The following MPPE1 variants were observed in gnomAD, a reference collection of about 807,000 sequenced individuals.
MPPE1 encodes the protein metallo phosphoesterase.
In MPPE1, 28 loss-of-function variants were observed where a neutral mutation model predicts 43.8. The ratio of observed to expected loss-of-function variants is 0.64; its 90% CI spans 0.47 to 0.88. MPPE1 has a LOEUF of 0.88. Ranked by LOEUF, MPPE1 falls within the 40% of genes least tolerant of loss-of-function variation. The pLI is 0.00. For synonymous variants in MPPE1, 159 were observed against 188.5 expected, an observed-to-expected ratio of 0.84 and a Z score of 1.28; for missense variants, 428 against 492.2, an observed-to-expected ratio of 0.87 and a Z score of 1.23.
In MPPE1 at chr18:11,886,760, A is replaced by T; in HGVS notation, c.697T>A (p.Cys233Ser). The T allele has an allele frequency of 5.0e-6, 8 of 1,613,122 alleles. No individual in the cohort carries two copies. Among genetic ancestry groups the T allele is most frequent in the South Asian group, 1.1e-5 (1 of 91,052 alleles). ...CSREARGSSR[C>S]GPGPLLPTSA... ...GTGGGCAGCAGAGGCCCAGGTCCAC[A>T]CCGGCTGGAGCCACGTGCCTGCTGG... is the stretch of plus-strand genomic sequence containing the variant. Residue 233 changes from cysteine to serine, a missense_variant, in exon 8 of 11, where the codon TGT (cysteine) becomes AGT (serine). Physicochemically the swap from Cys to Ser is moderately radical, Grantham distance 112 (BLOSUM62 -1). Around this residue, in one of 3 missense-constraint regions of MPPE1, gnomAD observed 379 missense variants for 402.5 expected, o/e 0.94. Transcript: ENST00000588072. This position sits in a 1 kb window ranked among gnomAD's most constrained non-coding sequence, Gnocchi z 4.1.
At chr18:11,898,705 G>T (rs2038841248) in intron 2 of MPPE1, among the ~76,000 whole-genome samples, 3 of 152,092 alleles carry the variant, frequency 2.0e-5, no homozygotes, top group African/African-American at 7.2e-5. Context: ...TGGCTCAACT[G>T]ATCCTATGAC....
At chr18:11,902,290 T>C (rs1256537005) in intron 2 of MPPE1, 1 of 152,134 alleles carries the variant, frequency 6.6e-6, no homozygotes, top group Non-Finnish European at 1.5e-5. Context: ...AACTTCGGAA[T>C]GGACTGCACA....
At chr18:11,903,508 G>C (rs577286946) in intron 2 of MPPE1, among the ~76,000 whole-genome samples, 1 of 152,120 alleles carries the variant, frequency 6.6e-6, no homozygotes, top group Non-Finnish European at 1.5e-5. Flanking sequence ...CTAGGATTAC[G>C]GTTAAACACT....
chr18:11,886,395 G>A lies in MPPE1; in HGVS notation c.867+104C>T, dbSNP rs754900566. Reference sequence around the variant, plus strand: ...CCCAGGTGATAACTAAGTCATGAACGTTTCAGCAAACACCTGCTCTAGCCT... The same window carrying A: ...CCCAGGTGATAACTAAGTCATGAACATTTCAGCAAACACCTGCTCTAGCCT... On this transcript the variant is annotated intron_variant, in intron 9 of 10. Transcript: ENST00000588072. The surrounding 1 kb of genome is among the most constrained non-coding windows in gnomAD (Gnocchi z 4.1). The A allele has an allele frequency of 2.3e-4, 346 of 1,534,308 alleles. 1 individual carries two copies. Among genetic ancestry groups the A allele is most frequent in the Non-Finnish European group, 2.9e-4 (318 of 1,114,712 alleles).
intron 4 of MPPE1, among the ~76,000 whole-genome samples, chr18:11,892,870 C>T (rs1336620985): frequency 6.6e-6 from 1 of 152,118 alleles, no homozygotes. Flanking sequence ...ACTGTGACAA[C>T]TAAGGTGAGA....
At chr18:11,900,572 T>C (rs2039041335) in intron 2 of MPPE1, among the ~76,000 whole-genome samples, 1 of 152,090 alleles carries the variant, frequency 6.6e-6, no homozygotes, top group Non-Finnish European at 1.5e-5. Flanking sequence ...CACTGGTGTC[T>C]ATAAGCAACC....
intron 2 of MPPE1, among the ~76,000 whole-genome samples, chr18:11,901,474 AC>A (rs2039197975): frequency 6.6e-6 from 1 of 151,050 alleles, no homozygotes; most frequent in Admixed American, 6.6e-5. Context: ...CAGGTGATCC[AC>A]CCGCCTCGGC....
rs554439848 is a variant in MPPE1 at position 11,900,852 on chromosome 18, A to G, written c.-92-3496T>C. Among the ~76,000 whole-genome samples, 9 of 151,392 alleles carry G rather than the reference A, an allele frequency of 5.9e-5. No individual in the cohort carries two copies. In the East Asian group the frequency reaches 1.8e-3, roughly 30 times the overall value. On this transcript the variant is annotated intron_variant, in intron 2 of 10. Transcript: ENST00000588072. Reference sequence around the variant, plus strand: ...AACCCAGGAGGCAAAGCCTGCAGTGAGCCGAGATTGCGCCACTGCACTCCA... The same window carrying G: ...AACCCAGGAGGCAAAGCCTGCAGTGGGCCGAGATTGCGCCACTGCACTCCA...
At chr18:11,885,365 A>ATGGT (rs1222160341) in intron 10 of MPPE1, 5 of 337,696 alleles carry the variant, frequency 1.5e-5, no homozygotes, top group Non-Finnish European at 2.7e-5. Context: ...TAATGAATAA[A>ATGGT]TGGTTGTTTC....
chr18:11,888,895 A>C, intron 5 of MPPE1, 152 bp from the exon 6 acceptor site: 3 of 511,770 alleles, frequency 5.9e-6, no homozygotes, highest in Non-Finnish European at 6.8e-6. Context: ...AGCAAAGCTC[A>C]AATTTTAGTT....
In MPPE1 at chr18:11,886,550, G is replaced by A. The variant is rs1316716671; in HGVS notation, c.816C>T (p.Asp272=). 6.2e-7 allele frequency: 1 copy of A among 1,614,180 alleles called. No homozygotes were observed. The highest frequency in any genetic ancestry group is 2.2e-5 in the East Asian group (1 of 44,878). Residue 272 remains aspartate, a synonymous_variant, in exon 9 of 11, where the codon GAC becomes GAT. Coordinates refer to ENST00000588072, the MANE Select transcript of MPPE1 (RefSeq NM_023075.6). This position sits in a 1 kb window ranked among gnomAD's most constrained non-coding sequence, Gnocchi z 4.1. ...GEDAAPAEER[D]IPFKENYDVL... is the part of the protein sequence containing the mutation. ...CGTCATAGTTCTCCTTAAATGGGAT[G>A]TCCCTTTCCTCTGCAGGAGCAGCGT...
At chr18:11,904,422 C>T (rs1348761582) in intron 2 of MPPE1, among the ~76,000 whole-genome samples, 1 of 152,060 alleles carries the variant, frequency 6.6e-6, no homozygotes, top group Non-Finnish European at 1.5e-5. Context: ...TCAAGCTATC[C>T]TCCCACTTCA....
chr18:11,888,607 C>A, intron 6 of MPPE1, 62 bp downstream of exon 6: 2 of 1,012,954 alleles, frequency 2.0e-6, no homozygotes, highest in Middle Eastern at 2.0e-4. Context: ...ATGGCAGGCA[C>A]CTTTAAAAAA....
chr18:11,892,823 T>C (rs948290169), intron 4 of MPPE1, among the ~76,000 whole-genome samples: 7 of 152,186 alleles, frequency 4.6e-5, no homozygotes, highest in Non-Finnish European at 8.8e-5. Flanking sequence ...AGCTCATGTC[T>C]TCATTCGTTT....
chr18:11,893,503 C>A lies in MPPE1; in HGVS notation c.355G>T (p.Asp119Tyr). The A allele has an allele frequency of 6.2e-7, 1 of 1,613,978 alleles. No homozygotes were observed. The highest frequency in any genetic ancestry group is 8.5e-7 in the Non-Finnish European group (1 of 1,179,954). Reference sequence around the variant, plus strand: ...CTCCACTTCCCTTCATCAAAGATATCCCCCAGGATGAAGACGACTTCCGGC... The same window carrying A: ...CTCCACTTCCCTTCATCAAAGATATACCCCAGGATGAAGACGACTTCCGGC... ...LQPEVVFILG[D>Y]IFDEGKWSTP... is the part of the protein sequence containing the mutation. The change falls in exon 4 of 11, where the codon GAT becomes TAT. Residue 119 changes from aspartate to tyrosine, a missense_variant. Coordinates refer to ENST00000588072, the MANE Select transcript of MPPE1 (RefSeq NM_023075.6).
At chr18:11,898,818 A>C (rs1168667408) in intron 2 of MPPE1, among the ~76,000 whole-genome samples, 1 of 152,052 alleles carries the variant, frequency 6.6e-6, no homozygotes, top group Non-Finnish European at 1.5e-5. Context: ...CCTGCCCACA[A>C]AATTGTCCAT....
rs186521065 is a variant in MPPE1, at chr18:11,884,348, C to A, written c.*97G>T. The A allele has an allele frequency of 1.8e-6, 2 of 1,133,696 alleles. No individual in the cohort carries two copies. The highest frequency in any genetic ancestry group is 4.7e-5 in the East Asian group (2 of 42,390). 70.2% of individuals were successfully genotyped at this position (1,133,696 alleles called of 1,614,324 possible). A position where few individuals can be genotyped will look rare whatever the true frequency, so the allele number is the denominator to read the frequency against. On this transcript the variant is annotated 3_prime_UTR_variant, in exon 11 of 11. Coordinates refer to ENST00000588072, the MANE Select transcript of MPPE1 (RefSeq NM_023075.6). ...AGAATTTCTGTGCTGTGCAGAGAGA[C>A]GGCCTGTAATTGGTCTCATCATCCA...
rs1490296846 is a variant in MPPE1, at chr18:11,893,449, C to G, written c.390+19G>C. The G allele has an allele frequency of 6.3e-7, 1 of 1,574,880 alleles. No individual in the cohort carries two copies. The highest frequency in any genetic ancestry group is 1.4e-5 in the African/African-American group (1 of 74,016). ...GGACCTCACAGCAGGATGAGGGCACCTGGAACACAGAGTCCTACCTCAGGG... is the reference window on the plus strand; with the variant it reads ...GGACCTCACAGCAGGATGAGGGCACGTGGAACACAGAGTCCTACCTCAGGG... On this transcript the variant is annotated intron_variant, in intron 4 of 10. Coordinates refer to ENST00000588072, the MANE Select transcript of MPPE1 (RefSeq NM_023075.6).
intron 6 of MPPE1, among the ~76,000 whole-genome samples, chr18:11,887,829 T>A (rs551936473): frequency 5.9e-5 from 9 of 152,330 alleles, no homozygotes; most frequent in Admixed American, 1.3e-4. Context: ...TAATTCAAAC[T>A]GTATCATGCT....
Sources: gnomAD v4.1 joint callset for allele counts (sites outside exome capture counted in the v4.1 genomes callset) on GRCh38, gnomAD v4.1.1 for gene constraint, gnomAD v4.1.1 regional missense constraint, Gnocchi (gnomAD v3.1) non-coding constraint, MANE v1.5 for transcripts, NCBI Gene and HGNC (gene_info 2026-07-23, HGNC 2026-07-21) for gene names.